Variants in EXOC6B observed in about 807,000 individuals in gnomAD.
The protein encoded by EXOC6B is exocyst complex component 6B.
A neutral mutation model predicts 113.5 loss-of-function variants in EXOC6B; 54 were observed. The observed-to-expected ratio is 0.48, with a 90% confidence interval of 0.38 to 0.60. EXOC6B has a LOEUF of 0.60. Ranked by LOEUF, EXOC6B falls within the 20% of genes least tolerant of loss-of-function variation. The pLI is 0.00. For synonymous variants in EXOC6B, 357 were observed against 339.0 expected (o/e 1.05, Z -0.58); for missense variants, 797 against 977.5 (o/e 0.82, Z 2.46).
intron 11 of EXOC6B, among the ~76,000 whole-genome samples, chr2:72,502,635 A>T (rs1190886784): frequency 6.6e-6 from 1 of 152,120 alleles, no homozygotes; most frequent in South Asian, 2.1e-4. Flanking sequence ...TTTGCCCTCT[A>T]ACTAAAATAC....
At chr2:72,303,215 A>G (rs1055293503) in intron 20 of EXOC6B, among the ~76,000 whole-genome samples, 8 of 152,124 alleles carry the variant, frequency 5.3e-5, no homozygotes, top group African/African-American at 1.9e-4. Flanking sequence ...TTCCCTTTGT[A>G]GATGACCTGC....
rs1695658442 is a variant in EXOC6B at position 72,433,293 on chromosome 2, C to T, written c.1980+31867G>A. Among the ~76,000 whole-genome samples the T allele has an allele frequency of 2.6e-5, 4 of 152,260 alleles. No homozygotes were observed. In the South Asian group the frequency reaches 8.3e-4, roughly 32 times the overall value. On this transcript the variant is annotated intron_variant, in intron 18 of 21. Transcript: ENST00000272427. The stretch of plus-strand genomic sequence containing the variant: ...TATCTGTTTAGGTACCAGTGCCATG[C>T]TATTTTGGTTACTGTAGCTTGCAGT...
chr2:72,297,143 T>C (rs1686186776), intron 20 of EXOC6B, among the ~76,000 whole-genome samples: 1 of 152,168 alleles, frequency 6.6e-6, no homozygotes, highest in African/African-American at 2.4e-5. Flanking sequence ...TAGGTAAATA[T>C]AAATTTTTAG....
At chr2:72,405,944 C>T (rs1220799536) in intron 18 of EXOC6B, among the ~76,000 whole-genome samples, 5 of 152,094 alleles carry the variant, frequency 3.3e-5, no homozygotes, top group South Asian at 4.1e-4. Context: ...CAGTGTGCTG[C>T]ATTCAGGAAA....
intron 20 of EXOC6B, among the ~76,000 whole-genome samples, chr2:72,312,959 A>G (rs923416092): frequency 6.6e-6 from 1 of 152,158 alleles, no homozygotes; most frequent in African/African-American, 2.4e-5. Flanking sequence ...TTAATGTTCC[A>G]AATTCTGAGG....
At chr2:72,641,475 G>A (rs1322273220) in intron 6 of EXOC6B, among the ~76,000 whole-genome samples, 1 of 152,258 alleles carries the variant, frequency 6.6e-6, no homozygotes, top group African/African-American at 2.4e-5. Context: ...GCAGCAGTCT[G>A]AGATCAACCT....
At chr2:72,330,622 C>T (rs924135379) in intron 20 of EXOC6B, among the ~76,000 whole-genome samples, 1 of 152,024 alleles carries the variant, frequency 6.6e-6, no homozygotes, top group Non-Finnish European at 1.5e-5. Flanking sequence ...ACACATAGGC[C>T]TCTCTACTTC....
intron 20 of EXOC6B, among the ~76,000 whole-genome samples, chr2:72,272,154 G>C (rs1684531271): frequency 6.6e-6 from 1 of 152,128 alleles, no homozygotes; most frequent in African/African-American, 2.4e-5. Flanking sequence ...GTATGCTTCT[G>C]GCTGTGAAGT....
chr2:72,376,183 G>A (rs1691347039), intron 19 of EXOC6B, among the ~76,000 whole-genome samples: 1 of 152,120 alleles, frequency 6.6e-6, no homozygotes, highest in Admixed American at 6.6e-5. Flanking sequence ...ATAGATCTGG[G>A]TTGACATATA....
chr2:72,334,856 A>G, intron 20 of EXOC6B, 91 bp downstream of exon 20: 14 of 1,184,118 alleles, frequency 1.2e-5, no homozygotes, highest in Non-Finnish European at 1.8e-5. Flanking sequence ...GCCAACGCCA[A>G]TCCCCCTCCC....
At chr2:72,282,494 G>A (rs1171646935) in intron 20 of EXOC6B, among the ~76,000 whole-genome samples, 3 of 150,250 alleles carry the variant, frequency 2.0e-5, no homozygotes, top group Non-Finnish European at 4.4e-5. Context: ...CAGGAAAGGA[G>A]GAAAAAGTTA....
intron 11 of EXOC6B, among the ~76,000 whole-genome samples, chr2:72,505,577 T>A (rs1700553363): frequency 6.6e-6 from 1 of 152,194 alleles, no homozygotes; most frequent in Non-Finnish European, 1.5e-5. Flanking sequence ...ATCTTCCCTA[T>A]AATAAAACTA....
chr2:72,353,402 C>T (rs191557514), intron 19 of EXOC6B, among the ~76,000 whole-genome samples: 1 of 107,468 alleles, frequency 9.3e-6, no homozygotes, highest in East Asian at 1.9e-4. Context: ...GATGGAGCCT[C>T]GCTCTGTCGC....
intron 8 of EXOC6B, among the ~76,000 whole-genome samples, chr2:72,542,398 A>G (rs1702654169): frequency 6.6e-6 from 1 of 152,152 alleles, no homozygotes; most frequent in Non-Finnish European, 1.5e-5. Context: ...TCACCTCCAG[A>G]TTGCTGGTTT....
chr2:72,570,356 T>G (rs2103784567), intron 7 of EXOC6B, among the ~76,000 whole-genome samples: 1 of 152,300 alleles, frequency 6.6e-6, no homozygotes, highest in South Asian at 2.1e-4. Flanking sequence ...CAGCATTTTG[T>G]TATGGTAGCC....
At chr2:72,265,630 C>T (rs1013424160) in intron 20 of EXOC6B, among the ~76,000 whole-genome samples, 1 of 151,580 alleles carries the variant, frequency 6.6e-6, no homozygotes, top group African/African-American at 2.4e-5. Flanking sequence ...ATATGTGCCA[C>T]ATTTTCTTAA....
intron 6 of EXOC6B, among the ~76,000 whole-genome samples, chr2:72,594,958 CAATT>C (rs1404411452): frequency 3.9e-5 from 6 of 151,982 alleles, no homozygotes; most frequent in African/African-American, 1.4e-4. Flanking sequence ...CATTCAAAGA[CAATT>C]AATAAGCATG....
intron 20 of EXOC6B, among the ~76,000 whole-genome samples, chr2:72,287,837 T>C (rs1471994687): frequency 1.3e-5 from 2 of 152,186 alleles, no homozygotes; most frequent in African/African-American, 2.4e-5. Flanking sequence ...TCCTGGTCCA[T>C]ATAATTTCAC....
At chr2:72,545,897 A>G (rs1471629327) in intron 8 of EXOC6B, among the ~76,000 whole-genome samples, 1 of 152,222 alleles carries the variant, frequency 6.6e-6, no homozygotes, top group Non-Finnish European at 1.5e-5. Context: ...AATTTCATTA[A>G]GAAATTATCT....
Sources: allele counts gnomAD v4.1 joint callset (sites outside exome capture counted in the v4.1 genomes callset), GRCh38; gene constraint gnomAD v4.1.1; transcripts MANE v1.5; gene names NCBI Gene and HGNC (gene_info 2026-07-23, HGNC 2026-07-21).